DAPP1: variants seen among roughly 807,000 people sequenced by gnomAD.
DAPP1 encodes dual adapter for phosphotyrosine and 3-phosphotyrosine and 3-phosphoinositide.
In DAPP1, 20 loss-of-function variants were observed where a neutral mutation model predicts 41.5. That is an observed-to-expected ratio of 0.48 (90% CI 0.34 to 0.70). The LOEUF (loss-of-function observed/expected upper bound fraction) is 0.70. Ranked by LOEUF, DAPP1 falls within the 30% of genes least tolerant of loss-of-function variation. The pLI, the probability that DAPP1 is intolerant of heterozygous loss-of-function variation, is 0.01. For missense variants in DAPP1, 233 were observed against 333.4 expected, an observed-to-expected ratio of 0.70 and a Z score of 2.35; for synonymous variants, 113 against 116.2, an observed-to-expected ratio of 0.97 and a Z score of 0.18.
intron 2 of DAPP1, among the ~76,000 whole-genome samples, chr4:99,838,183 G>T (rs1394314006): frequency 6.6e-6 from 1 of 152,066 alleles, no homozygotes; most frequent in Admixed American, 6.6e-5. Flanking sequence ...TCTCATCTGA[G>T]CAATTAGATC....
At chr4:99,857,701 T>TACACACACACAC (rs140943788) in intron 4 of DAPP1, among the ~76,000 whole-genome samples, 6 of 143,108 alleles carry the variant, frequency 4.2e-5, no homozygotes, top group African/African-American at 1.0e-4. Flanking sequence ...TGTATGTATA[T>TACACACACACAC]ACACACACAC....
chr4:99,866,413 C>A lies in DAPP1; in HGVS notation c.774+292C>A, dbSNP rs372834683. 3.1e-5 allele frequency: 21 copies of A among 678,420 alleles called. No individual in the cohort carries two copies. The African/African-American group carries it at 3.4e-4, about 11-fold the overall frequency. 42.0% of individuals were successfully genotyped at this position (678,420 alleles called of 1,614,324 possible). Reference sequence around the variant, plus strand: ...GGTGTGTCAGTTAGTTCAGTTTTGTCTGGAGGGGGACATTTAGAACCAGAA... The same window carrying A: ...GGTGTGTCAGTTAGTTCAGTTTTGTATGGAGGGGGACATTTAGAACCAGAA... On this transcript the variant is annotated intron_variant, in intron 8 of 8. Transcript: ENST00000512369.
At chr4:99,841,377 C>T (rs551986424) in intron 3 of DAPP1, among the ~76,000 whole-genome samples, 4 of 152,286 alleles carry the variant, frequency 2.6e-5, no homozygotes, top group South Asian at 2.1e-4. Flanking sequence ...AAGTGCACAG[C>T]GGAAACTAGA....
intron 1 of DAPP1, among the ~76,000 whole-genome samples, chr4:99,823,754 G>T (rs1722849486): frequency 6.6e-6 from 1 of 152,208 alleles, no homozygotes; most frequent in African/African-American, 2.4e-5. Context: ...TCAGCATGAT[G>T]GGTGGCAATG....
At chr4:99,871,431 A>C (rs1724625591), downstream of DAPP1, among the ~76,000 whole-genome samples, 1 of 152,122 alleles carries the variant, frequency 6.6e-6, no homozygotes, top group Non-Finnish European at 1.5e-5. Flanking sequence ...TAAATTTATA[A>C]TCTATCACAG....
At chr4:99,872,025 CCAGAGAGCAAGAA>C (rs1338772537), downstream of DAPP1, among the ~76,000 whole-genome samples, 1 of 152,100 alleles carries the variant, frequency 6.6e-6, no homozygotes, top group East Asian at 1.9e-4. Flanking sequence ...CATAATCATC[CCAGAGAGCAAGAA>C]CAAAGAAAAA....
chr4:99,817,019 G>A lies in DAPP1; in HGVS notation c.101+5G>A. 1 of 1,590,766 alleles carries A rather than the reference G, an allele frequency of 6.3e-7. No individual in the cohort carries two copies. The highest frequency in any genetic ancestry group is 8.6e-7 in the Non-Finnish European group (1 of 1,168,444). The stretch of plus-strand genomic sequence containing the variant: ...TGAGCTGCTCCAGGACTTGGGGTAA[G>A]GCAGCAGATCTCCTTTCAAAGTACC... On this transcript the variant is annotated splice_donor_5th_base_variant and intron_variant, in intron 1 of 8. Coordinates refer to ENST00000512369, the MANE Select transcript of DAPP1 (RefSeq NM_014395.3).
In DAPP1 at chr4:99,866,111, G is replaced by A. The variant is rs749093298; in HGVS notation, c.764G>A (p.Arg255His). 3.3e-5 allele frequency: 52 copies of A among 1,590,836 alleles called. No individual in the cohort carries two copies. In the Admixed American group the frequency reaches 4.9e-4, roughly 15 times the overall value. ...VEADEWIKIL[R>H]WKLSQIRKQL... is the part of the protein sequence containing the mutation. ...GCTGATGAGTGGATCAAGATATTAC[G>A]CTGGAAATTGGTGAGAATTTTTAAG... The change falls in exon 8 of 9, where the codon CGC (arginine) becomes CAC (histidine). Residue 255 changes from arginine (R) to histidine (H), a missense_variant. Coordinates refer to ENST00000512369, the MANE Select transcript of DAPP1 (RefSeq NM_014395.3).
At chr4:99,864,495 G>A (rs1724360065) in intron 7 of DAPP1, among the ~76,000 whole-genome samples, 1 of 151,644 alleles carries the variant, frequency 6.6e-6, no homozygotes, top group Admixed American at 6.6e-5. Flanking sequence ...ACTTTAGTAT[G>A]TGTCTCTTAA....
chr4:99,863,123 A>G, intron 6 of DAPP1, 51 bp downstream of exon 6: 5 of 1,202,218 alleles, frequency 4.2e-6, no homozygotes, highest in Non-Finnish European at 5.7e-6. Context: ...TCTCTAGATG[A>G]AAGAAACTTA....
chr4:99,820,052 G>A (rs1332290920), intron 1 of DAPP1, among the ~76,000 whole-genome samples: 2 of 152,110 alleles, frequency 1.3e-5, no homozygotes, highest in Non-Finnish European at 2.9e-5. Context: ...AATGTGTCCA[G>A]AAGCAAAGGA....
At position 99,869,077 on chromosome 4, in the gene DAPP1, A is replaced by C. The variant is rs758347561; in HGVS notation, c.*892A>C. The stretch of plus-strand genomic sequence containing the variant: ...ATGGACTGAAAGAAACTTTTCAAGG[A>C]CAGTGTATTATAACAATCCCTTTCC... On this transcript the variant is annotated 3_prime_UTR_variant, in exon 9 of 9. Transcript: ENST00000512369. The C allele has an allele frequency of 7.9e-5, 12 of 152,210 alleles. No individual in the cohort carries two copies. Among genetic ancestry groups the C allele is most frequent in the Non-Finnish European group, 1.6e-4 (11 of 68,034 alleles). 9.4% of individuals were successfully genotyped at this position (152,210 alleles called of 1,614,324 possible). A position where few individuals can be genotyped will look rare whatever the true frequency, so the allele number is the denominator to read the frequency against.
At chr4:99,847,360 G>T (rs974345294) in intron 3 of DAPP1, among the ~76,000 whole-genome samples, 1 of 152,056 alleles carries the variant, frequency 6.6e-6, no homozygotes, top group Non-Finnish European at 1.5e-5. Flanking sequence ...AAGATAAAGG[G>T]TCCTTCAATG....
At chr4:99,861,648 A>G in intron 5 of DAPP1, 23 bp downstream of exon 5, 1 of 1,563,322 alleles carries the variant, frequency 6.4e-7, no homozygotes, top group Non-Finnish European at 8.7e-7. Flanking sequence ...GGTTTTGCTC[A>G]TGCCAGCCAC....
intron 1 of DAPP1, among the ~76,000 whole-genome samples, chr4:99,825,913 G>A (rs897933374): frequency 6.6e-6 from 1 of 152,184 alleles, no homozygotes; most frequent in African/African-American, 2.4e-5. Context: ...AGCACTGGTA[G>A]CTCTTGAGTT....
At chr4:99,871,897 C>T (rs1724635121), downstream of DAPP1, among the ~76,000 whole-genome samples, 1 of 152,226 alleles carries the variant, frequency 6.6e-6, no homozygotes, top group African/African-American at 2.4e-5. Flanking sequence ...AGTTGTGTCA[C>T]ATTTTCAGCT....
In DAPP1 at chr4:99,840,333, A is replaced by G. The variant is rs1212400726; in HGVS notation, c.269A>G (p.Tyr90Cys). The G allele has an allele frequency of 2.5e-6, 4 of 1,606,548 alleles. No homozygotes were observed. The highest frequency in any genetic ancestry group is 3.4e-6 in the Non-Finnish European group (4 of 1,175,886). ...CACTTTCATGTTGAATATACTGGAT[A>G]TTCATTTAAATTTGGCTTTAATGAA... Reference protein sequence around the residue: ...VKHFHVEYTGYSFKFGFNEFS... With the variant: ...VKHFHVEYTGCSFKFGFNEFS... Residue 90 changes from tyrosine (Y) to cysteine (C), a missense_variant, in exon 3 of 9, where the codon TAT becomes TGT. Coordinates refer to ENST00000512369, the MANE Select transcript of DAPP1 (RefSeq NM_014395.3).
intron 1 of DAPP1, among the ~76,000 whole-genome samples, chr4:99,819,547 T>C (rs1722697577): frequency 6.6e-6 from 1 of 152,150 alleles, no homozygotes; most frequent in African/African-American, 2.4e-5. Context: ...AACTCGAACA[T>C]TATAATGACT....
At chr4:99,865,948 T>TATATATAATA (rs1403670805) in intron 7 of DAPP1, 86 bp from the exon 8 acceptor site, 3 of 79,474 alleles carry the variant, frequency 3.8e-5, no homozygotes, top group African/African-American at 1.9e-4. Context: ...TATTATATTA[T>TATATATAATA]ATATTATATT....
Sources: allele counts gnomAD v4.1 joint callset (sites outside exome capture counted in the v4.1 genomes callset), GRCh38; gene constraint gnomAD v4.1.1; transcripts MANE v1.5; gene names NCBI Gene and HGNC (gene_info 2026-07-23, HGNC 2026-07-21).